THUMPD3: variants seen among roughly 807,000 people sequenced by gnomAD.
THUMPD3 encodes the protein THUMP domain 3 tRNA guanosine methyltransferase.
THUMPD3 carries 44 observed loss-of-function variants against 54.5 expected under a neutral mutation model. That is an observed-to-expected ratio of 0.81 (90% CI 0.63 to 1.04). The LOEUF (loss-of-function observed/expected upper bound fraction) is 1.04, where lower values mean the gene tolerates loss of function less well. THUMPD3 is among the 50% of genes least tolerant of loss of function. The pLI is 0.00. For synonymous variants in THUMPD3, 196 were observed against 201.4 expected (o/e 0.97, Z 0.23); for missense variants, 604 against 601.3 (o/e 1.00, Z -0.05).
At chr3:9,372,113 C>A (rs1337416995) in intron 4 of THUMPD3, among the ~76,000 whole-genome samples, 1 of 152,182 alleles carries the variant, frequency 6.6e-6, no homozygotes, top group African/African-American at 2.4e-5. Flanking sequence ...CTGTAGTGAT[C>A]TGCCTGTCTT....
intron 6 of THUMPD3, among the ~76,000 whole-genome samples, chr3:9,379,378 G>A (rs899792750): frequency 6.6e-6 from 1 of 152,158 alleles, no homozygotes; most frequent in Non-Finnish European, 1.5e-5. Context: ...ACCCTCAAGT[G>A]TCTGGGCAAA....
In THUMPD3 at chr3:9,371,166, G is replaced by A. The variant is rs758934629; in HGVS notation, c.437G>A (p.Arg146His). 9.9e-6 allele frequency: 16 copies of A among 1,611,904 alleles called. No homozygotes were observed. The highest frequency in any genetic ancestry group is 4.0e-5 in the African/African-American group (3 of 74,824). The part of the protein sequence containing the change: ...NASFKKKKAK[R>H]KKINQNSSKE... ...AGTTTTAAAAAGAAAAAAGCAAAGC[G>A]CAAAAAGATAAATCAGAATTCAAGT... The change falls in exon 4 of 10, where the codon CGC (arginine) becomes CAC (histidine). Residue 146 changes from arginine to histidine, a missense_variant. Coordinates refer to ENST00000452837, the MANE Select transcript of THUMPD3 (RefSeq NM_001114092.2).
At chr3:9,383,115 A>G in intron 7 of THUMPD3, 84 bp from the exon 8 acceptor site, 1 of 831,756 alleles carries the variant, frequency 1.2e-6, no homozygotes, top group Non-Finnish European at 2.1e-6. Flanking sequence ...GTTTTGCTGT[A>G]GCAGTCTCTC....
intron 8 of THUMPD3, among the ~76,000 whole-genome samples, 191 bp from the exon 9 acceptor site, chr3:9,384,018 AAAT>A (rs1295186758): frequency 1.9e-4 from 29 of 152,350 alleles, no homozygotes; most frequent in African/African-American, 7.0e-4. Flanking sequence ...TGTCTAAAAA[AAAT>A]TTTTTTGATT....
chr3:9,374,951 C>T (rs895965349), intron 5 of THUMPD3, among the ~76,000 whole-genome samples: 5 of 152,120 alleles, frequency 3.3e-5, no homozygotes, highest in South Asian at 2.1e-4. Flanking sequence ...CTCTGCCTCC[C>T]GGGTTCAAGC....
At chr3:9,375,179 A>G (rs1490045835) in intron 5 of THUMPD3, among the ~76,000 whole-genome samples, 1 of 152,152 alleles carries the variant, frequency 6.6e-6, no homozygotes, top group Non-Finnish European at 1.5e-5. Context: ...AAATGAGAGT[A>G]ATAGTTTTCA....
chr3:9,371,528 G>C lies in THUMPD3; in HGVS notation c.799G>C (p.Asp267His), dbSNP rs369103372. The C allele has an allele frequency of 3.6e-5, 58 of 1,611,908 alleles. No homozygotes were observed. In the South Asian group the frequency reaches 5.3e-4, roughly 15 times the overall value. ...GTGGAAGGCCGACATGACCAACTTTGATGTGGAGGTAGGTATAGGCTCTGA... is the reference window on the plus strand; with the variant it reads ...GTGGAAGGCCGACATGACCAACTTTCATGTGGAGGTAGGTATAGGCTCTGA... ...FKWKADMTNF[D>H]VEVLLNIHDN... The change falls in exon 4 of 10, where the codon GAT (aspartate) becomes CAT (histidine). Residue 267 changes from aspartate (D) to histidine (H), a missense_variant. Transcript: ENST00000452837.
At chr3:9,379,322 C>T (rs1003214630) in intron 6 of THUMPD3, among the ~76,000 whole-genome samples, 1 of 152,114 alleles carries the variant, frequency 6.6e-6, no homozygotes, top group Non-Finnish European at 1.5e-5. Flanking sequence ...CTTCAACTTC[C>T]CTTTTGTTTG....
chr3:9,365,166 AATCTGAGCTTCTAGTCACT>A lies in THUMPD3; in HGVS notation c.101_119del (p.Ser34LeufsTer49). ...GTGACAGAAAGTGACCTCGGAAGTG[AATCTGAGCTTCTAGTCACT>A]ATTGGAGCCACTGTACCTACTGGCT... On this transcript the variant is annotated frameshift_variant, in exon 2 of 10. Transcript: ENST00000452837. LOFTEE classifies it high-confidence loss of function. 1 of 1,614,182 alleles carries A rather than the reference AATCTGAGCTTCTAGTCACT, an allele frequency of 6.2e-7. No individual in the cohort carries two copies. The highest frequency in any genetic ancestry group is 1.1e-5 in the South Asian group (1 of 91,084).
chr3:9,384,743 C>T lies in THUMPD3; in HGVS notation c.*55C>T. 3 of 1,598,086 alleles carry T rather than the reference C, an allele frequency of 1.9e-6. No individual in the cohort carries two copies. The highest frequency in any genetic ancestry group is 2.6e-6 in the Non-Finnish European group (3 of 1,169,690). On this transcript the variant is annotated 3_prime_UTR_variant, in exon 10 of 10. Transcript: ENST00000452837. ...CACTGGAAATGTTAGCATAAAAGAA[C>T]TTGGAGAGGAAAAAAGTATTAACAA...
At chr3:9,369,084 G>C (rs2031807559) in intron 3 of THUMPD3, among the ~76,000 whole-genome samples, 1 of 151,978 alleles carries the variant, frequency 6.6e-6, no homozygotes, top group African/African-American at 2.4e-5. Context: ...AGCCAAAGCA[G>C]GTGAATCATG....
chr3:9,383,782 C>A (rs1378364039), intron 8 of THUMPD3, among the ~76,000 whole-genome samples: 1 of 152,054 alleles, frequency 6.6e-6, no homozygotes, highest in Non-Finnish European at 1.5e-5. Flanking sequence ...TGCCATCATG[C>A]CCAGCTTATT....
chr3:9,384,641 T>G lies in THUMPD3; in HGVS notation c.1477T>G (p.Ser493Ala). ...TACACCTCAAGCTTTTGTTCATCCT[T>G]CAGAACAAGACGGAGAAAGAGGAAC... is the stretch of plus-strand genomic sequence containing the variant. Reference protein sequence around the residue: ...IRTPQAFVHPSEQDGERGTLW... With the variant: ...IRTPQAFVHPAEQDGERGTLW... The change falls in exon 10 of 10, where the codon TCA (serine) becomes GCA (alanine). Residue 493 changes from serine (S) to alanine (A), a missense_variant. Ser to Ala is a moderately conservative substitution (Grantham distance 99, BLOSUM62 1). Coordinates refer to ENST00000452837, the MANE Select transcript of THUMPD3 (RefSeq NM_001114092.2). 6.2e-7 allele frequency: 1 copy of G among 1,614,190 alleles called. No homozygotes were observed. Among genetic ancestry groups the G allele is most frequent in the Middle Eastern group, 1.6e-4 (1 of 6,062 alleles).
intron 5 of THUMPD3, among the ~76,000 whole-genome samples, chr3:9,375,348 T>TA (rs763816116): frequency 2.1e-4 from 32 of 152,202 alleles, no homozygotes; most frequent in Non-Finnish European, 4.0e-4. Flanking sequence ...AGCTTTTACT[T>TA]ATATTTTTAA....
chr3:9,383,758 G>A (rs543253883), intron 8 of THUMPD3, among the ~76,000 whole-genome samples: 6 of 151,978 alleles, frequency 3.9e-5, no homozygotes, highest in East Asian at 1.9e-4. Flanking sequence ...TGAGTAGCTC[G>A]GATTTCAGGC....
chr3:9,381,744 G>A (rs1319652872), intron 7 of THUMPD3, among the ~76,000 whole-genome samples: 2 of 60,304 alleles, frequency 3.3e-5, no homozygotes, highest in Non-Finnish European at 6.4e-5. Context: ...TACACTGTCT[G>A]TTCAACCCGT....
At chr3:9,370,440 CT>C (rs2031937032) in intron 3 of THUMPD3, among the ~76,000 whole-genome samples, 1 of 152,116 alleles carries the variant, frequency 6.6e-6, no homozygotes, top group South Asian at 2.1e-4. Context: ...TGTTCATTCT[CT>C]TTTGTAAAAG....
At chr3:9,376,781 A>G (rs1274702117) in intron 5 of THUMPD3, among the ~76,000 whole-genome samples, 4 of 152,224 alleles carry the variant, frequency 2.6e-5, no homozygotes, top group Non-Finnish European at 5.9e-5. Context: ...GATAACAGTT[A>G]AGCCACTAAC....
chr3:9,369,915 A>G (rs2031897186), intron 3 of THUMPD3, among the ~76,000 whole-genome samples: 1 of 152,136 alleles, frequency 6.6e-6, no homozygotes, highest in African/African-American at 2.4e-5. Flanking sequence ...TGTGTTTTCT[A>G]ATAGTTTGGA....
Sources: allele counts gnomAD v4.1 joint callset (sites outside exome capture counted in the v4.1 genomes callset), GRCh38; gene constraint gnomAD v4.1.1; transcripts MANE v1.5; gene names NCBI Gene and HGNC (gene_info 2026-07-23, HGNC 2026-07-21).